Variants in UBD observed in about 807,000 individuals in gnomAD.
UBD encodes the protein ubiquitin D.
A neutral mutation model predicts 2.3 loss-of-function variants in UBD; 1 was observed. The observed-to-expected ratio is 0.43, with a 90% confidence interval of 0.15 to 2.06. The LOEUF is 2.06. UBD is among the 30% of genes most tolerant of loss of function. UBD has a pLI of 0.29. For missense variants in UBD, 175 were observed against 199.3 expected, an observed-to-expected ratio of 0.88 and a Z score of 0.73; for synonymous variants, 75 against 76.5, an observed-to-expected ratio of 0.98 and a Z score of 0.10.
At chr6:29,558,903 C>T (rs987135214) in intron 1 of UBD, among the ~76,000 whole-genome samples, 2 of 152,212 alleles carry the variant, frequency 1.3e-5, no homozygotes, top group African/African-American at 2.4e-5. Context: ...ACGAGGCTTG[C>T]CACCATCTTG....
Position 29,555,768 on chromosome 6 carries a change from A to T in UBD, c.*112T>A. 2 of 772,036 alleles carry T rather than the reference A, an allele frequency of 2.6e-6. No individual in the cohort carries two copies. The highest frequency in any genetic ancestry group is 1.8e-5 in the South Asian group (1 of 56,492). 47.8% of individuals were successfully genotyped at this position (772,036 alleles called of 1,614,324 possible). On this transcript the variant is annotated 3_prime_UTR_variant, in exon 2 of 2. Coordinates refer to ENST00000377050, the MANE Select transcript of UBD (RefSeq NM_006398.4). The stretch of plus-strand genomic sequence containing the variant: ...ACCCATCCCACCCAAATCTTACTCT[A>T]CTCATCTCATTCTCATTAATTTTGG...
At chr6:29,558,001 C>A in intron 1 of UBD, among the ~76,000 whole-genome samples, 1 of 152,218 alleles carries the variant, frequency 6.6e-6, no homozygotes, top group South Asian at 2.1e-4. Context: ...AGAGAATTTC[C>A]AAAATATGAC....
Position 29,556,340 on chromosome 6 carries a change from C to T in UBD, c.38G>A (p.Arg13His), listed in dbSNP as rs753894789. 38 of 1,609,614 alleles carry T rather than the reference C, an allele frequency of 2.4e-5. No individual in the cohort carries two copies. In the Middle Eastern group the frequency reaches 1.3e-3, roughly 56 times the overall value. Residue 13 changes from arginine (R) to histidine (H), a missense_variant, in exon 2 of 2, where the codon CGT (arginine) becomes CAT (histidine). By Grantham distance (29) the Arg-to-His change is conservative (BLOSUM62 0). Coordinates refer to ENST00000377050, the MANE Select transcript of UBD (RefSeq NM_006398.4). ...PNASCLCVHV[R>H]SEEWDLMTFD... ...GGTCATTAAATCCCATTCCTCGGAA[C>T]GGACATGCACCTGGGAAGTGAAAGC...
rs1762503064 is a variant in UBD at position 29,556,134 on chromosome 6, T to C, written c.244A>G (p.Lys82Glu). ...AAGGGCAGCTCCTCATCACTGGGCT[T>C]CACCACTTTCAGGGTAAGGTGGATG... ...KTIHLTLKVVKPSDEELPLFL... is the reference protein window; with the variant it reads ...KTIHLTLKVVEPSDEELPLFL... The change falls in exon 2 of 2, where the codon AAG (lysine) becomes GAG (glutamate). Residue 82 changes from lysine to glutamate, a missense_variant. Lys to Glu is a moderately conservative substitution (Grantham distance 56). Transcript: ENST00000377050. 6.2e-7 allele frequency: 1 copy of C among 1,613,152 alleles called. No homozygotes were observed. The highest frequency in any genetic ancestry group is 8.5e-7 in the Non-Finnish European group (1 of 1,180,040).
At chr6:29,559,535 A>C (rs1438765319) in intron 1 of UBD, 140 bp downstream of exon 1, 1 of 764,716 alleles carries the variant, frequency 1.3e-6, no homozygotes, top group East Asian at 2.5e-5. Context: ...GCAAATGTCA[A>C]TGCCAGCCTC....
chr6:29,559,271 G>C (rs539543366), intron 1 of UBD, among the ~76,000 whole-genome samples: 2 of 152,164 alleles, frequency 1.3e-5, no homozygotes, highest in Non-Finnish European at 2.9e-5. Context: ...AATGTAATGT[G>C]TTAGATCATT....
In UBD at chr6:29,555,991, G is replaced by T; in HGVS notation, c.387C>A (p.Thr129=). 6.2e-7 allele frequency: 1 copy of T among 1,612,956 alleles called. No individual in the cohort carries two copies. Among genetic ancestry groups the T allele is most frequent in the Middle Eastern group, 1.6e-4 (1 of 6,062 alleles). The stretch of plus-strand genomic sequence containing the variant: ...TCTTTCCATTGCAAGTCACAATCTG[G>T]GTCTCAGGGATTATACCCGTCTTAG... ...IETKTGIIPE[T]QIVTCNGKRL... is the part of the protein sequence containing the mutation. Residue 129 remains threonine, a synonymous_variant, in exon 2 of 2, where the codon ACC becomes ACA. Coordinates refer to ENST00000377050, the MANE Select transcript of UBD (RefSeq NM_006398.4).
intron 1 of UBD, among the ~76,000 whole-genome samples, chr6:29,559,361 G>A (rs1044311799): frequency 6.6e-6 from 1 of 152,174 alleles, no homozygotes; most frequent in Non-Finnish European, 1.5e-5. Flanking sequence ...CTTAAAAAAT[G>A]TTACCATAAT....
intron 1 of UBD, among the ~76,000 whole-genome samples, chr6:29,558,705 G>T (rs1762649917): frequency 6.6e-6 from 1 of 152,200 alleles, no homozygotes. Context: ...TCCTGATTGG[G>T]CTAAAGGCGT....
intron 1 of UBD, chr6:29,557,390 A>G (rs1430114051): frequency 6.6e-6 from 1 of 152,190 alleles, no homozygotes; most frequent in African/African-American, 2.4e-5. Flanking sequence ...ACCACTGACC[A>G]TGGACTGGTT....
chr6:29,555,857 C>A lies in UBD; in HGVS notation c.*23G>T, dbSNP rs781170556. ...AAAGAAATAAGCTTTTTGACCCCTGCCAACACCCCATGCCCAGGGTGGTCA... is the reference window on the plus strand; with the variant it reads ...AAAGAAATAAGCTTTTTGACCCCTGACAACACCCCATGCCCAGGGTGGTCA... On this transcript the variant is annotated 3_prime_UTR_variant, in exon 2 of 2. Coordinates refer to ENST00000377050, the MANE Select transcript of UBD (RefSeq NM_006398.4). 6.3e-7 allele frequency: 1 copy of A among 1,591,992 alleles called. No individual in the cohort carries two copies. Among genetic ancestry groups the A allele is most frequent in the Admixed American group, 1.7e-5 (1 of 59,738 alleles).
chr6:29,556,724 A>G (rs1026222663), intron 1 of UBD: 3 of 199,926 alleles, frequency 1.5e-5, no homozygotes, highest in Non-Finnish European at 1.0e-5. Flanking sequence ...TGGGAAGCTG[A>G]GGCAGGCTGA....
At chr6:29,558,422 G>T (rs954432227) in intron 1 of UBD, among the ~76,000 whole-genome samples, 1 of 152,198 alleles carries the variant, frequency 6.6e-6, no homozygotes, top group Non-Finnish European at 1.5e-5. Flanking sequence ...GATCACAGCG[G>T]GAGGGACAAT....
In UBD at chr6:29,559,716, G is replaced by A; in HGVS notation, c.-15C>T. The A allele has an allele frequency of 6.2e-7, 1 of 1,612,820 alleles. No individual in the cohort carries two copies. The highest frequency in any genetic ancestry group is 1.1e-5 in the South Asian group (1 of 91,040). ...TTGGGAGCCATCTCTGCAGACAAGG[G>A]GCCAGAAACCAGAGACAGAAAAAGG... On this transcript the variant is annotated 5_prime_UTR_variant, in exon 1 of 2. Coordinates refer to ENST00000377050, the MANE Select transcript of UBD (RefSeq NM_006398.4).
rs1762501315 is a variant in UBD, at chr6:29,556,111, G to A, written c.267C>T (p.Pro89=). The A allele has an allele frequency of 2.5e-6, 4 of 1,613,114 alleles. No homozygotes were observed. The highest frequency in any genetic ancestry group is 2.2e-5 in the South Asian group (2 of 91,076). The change falls in exon 2 of 2, where the codon CCC becomes CCT. Residue 89 remains proline (P), a synonymous_variant. Transcript: ENST00000377050. ...KVVKPSDEEL[P]LFLVESGDEA... is the part of the protein sequence containing the mutation. ...CATCACCTGACTCCACAAGAAACAAGGGCAGCTCCTCATCACTGGGCTTCA... is the reference window on the plus strand; with the variant it reads ...CATCACCTGACTCCACAAGAAACAAAGGCAGCTCCTCATCACTGGGCTTCA...
At chr6:29,559,577 G>A (rs1027731609) in intron 1 of UBD, 98 bp downstream of exon 1, 2 of 1,308,150 alleles carry the variant, frequency 1.5e-6, no homozygotes, top group African/African-American at 1.5e-5. Flanking sequence ...CAGCCCCCCA[G>A]AGCCCTGAGT....
chr6:29,556,222 C>T lies in UBD; in HGVS notation c.156G>A (p.Leu52=), dbSNP rs142170215. The part of the protein sequence containing the change: ...KVPVQDQVLL[L]GSKILKPRRS... ...TCCGTGGCTTTAAGATCTTGGAGCC[C>T]AGCAAAAGAACCTGGTCCTGCACAG... Residue 52 remains leucine (L), a synonymous_variant, in exon 2 of 2, where the codon CTG becomes CTA. Coordinates refer to ENST00000377050, the MANE Select transcript of UBD (RefSeq NM_006398.4). The T allele has an allele frequency of 1.1e-3, 1,697 of 1,613,070 alleles. 1 individual carries two copies. The highest frequency in any genetic ancestry group is 1.6e-3 in the Middle Eastern group (10 of 6,062).
At position 29,556,346 on chromosome 6, in the gene UBD, T is replaced by G. The variant is rs772353450; in HGVS notation, c.32A>C (p.His11Pro). The change falls in exon 2 of 2, where the codon CAT becomes CCT. Residue 11 changes from histidine (H) to proline (P), a missense_variant. Coordinates refer to ENST00000377050, the MANE Select transcript of UBD (RefSeq NM_006398.4). Reference sequence around the variant, plus strand: ...TAAATCCCATTCCTCGGAACGGACATGCACCTGGGAAGTGAAAGCCACAAG... The same window carrying G: ...TAAATCCCATTCCTCGGAACGGACAGGCACCTGGGAAGTGAAAGCCACAAG... MAPNASCLCV[H>P]VRSEEWDLMT... 31 of 1,609,304 alleles carry G rather than the reference T, an allele frequency of 1.9e-5. No individual in the cohort carries two copies. The highest frequency in any genetic ancestry group is 1.6e-4 in the Middle Eastern group (1 of 6,072).
At chr6:29,557,275 C>T (rs942116048) in intron 1 of UBD, 1 of 152,190 alleles carries the variant, frequency 6.6e-6, no homozygotes, top group African/African-American at 2.4e-5. Context: ...TTACAGCTCA[C>T]CCTGTGTTGG....
Sources: gnomAD v4.1 joint callset for allele counts (sites outside exome capture counted in the v4.1 genomes callset) on GRCh38, gnomAD v4.1.1 for gene constraint, MANE v1.5 for transcripts, NCBI Gene and HGNC (gene_info 2026-07-23, HGNC 2026-07-21) for gene names.